The following FAM222A variants were observed in gnomAD, a reference collection of about 807,000 sequenced individuals.
The protein encoded by FAM222A is family with sequence similarity 222 member A.
In FAM222A, 7 loss-of-function variants were observed where a neutral mutation model predicts 25.8. The observed-to-expected ratio is 0.27, with a 90% CI of 0.15 to 0.51. The LOEUF (loss-of-function observed/expected upper bound fraction) is 0.51, where lower values mean the gene tolerates loss of function less well. Ranked by LOEUF, FAM222A falls within the 20% of genes least tolerant of loss-of-function variation. FAM222A has a pLI of 0.97. For missense variants in FAM222A, 573 were observed against 640.5 expected (o/e 0.89, Z 1.14); for synonymous variants, 294 against 298.8 (o/e 0.98, Z 0.17).
At position 109,769,298 on chromosome 12, in the gene FAM222A, T is replaced by C; in HGVS notation, c.*10T>C. On this transcript the variant is annotated 3_prime_UTR_variant, in exon 3 of 3. Coordinates refer to ENST00000538780, the MANE Select transcript of FAM222A (RefSeq NM_032829.3). ...ACCCGTCTACAGATAAGGCCTGCCC[T>C]GCGGACATACGGACATGCGGACAGG... 1 of 1,601,472 alleles carries C rather than the reference T, an allele frequency of 6.2e-7. No individual in the cohort carries two copies. Among genetic ancestry groups the C allele is most frequent in the African/African-American group, 1.3e-5 (1 of 74,652 alleles).
intron 1 of FAM222A, among the ~76,000 whole-genome samples, chr12:109,732,466 A>G (rs1051304719): frequency 6.6e-6 from 1 of 152,230 alleles, no homozygotes; most frequent in Non-Finnish European, 1.5e-5. Context: ...CCGCCTGCCC[A>G]GCAGCCCATT....
chr12:109,729,839 A>G (rs1887911545), intron 1 of FAM222A, among the ~76,000 whole-genome samples: 1 of 149,978 alleles, frequency 6.7e-6, no homozygotes, highest in African/African-American at 2.5e-5. Context: ...TAATAAACAC[A>G]TACAATTCAT....
chr12:109,740,564 G>A lies in FAM222A; in HGVS notation c.-46-3537G>A, dbSNP rs530185990. 2.0e-5 allele frequency among the ~76,000 whole-genome samples: 3 copies of A among 152,268 alleles called. No homozygotes were observed. The East Asian group carries it at 5.8e-4, about 29-fold the overall frequency. On this transcript the variant is annotated intron_variant, in intron 1 of 2. Transcript: ENST00000538780. ...TGCCAGGCAGGGAGGGGGCAAGATG[G>A]GGTCACAGAAAGAACATGAGTGTTT... is the stretch of plus-strand genomic sequence containing the variant.
chr12:109,763,554 G>T (rs1413543080), intron 2 of FAM222A, among the ~76,000 whole-genome samples: 3 of 152,214 alleles, frequency 2.0e-5, no homozygotes. Flanking sequence ...GAAGGCTGCA[G>T]TTCATGGCTA....
chr12:109,758,708 G>C (rs916195825), intron 2 of FAM222A, among the ~76,000 whole-genome samples: 3 of 152,166 alleles, frequency 2.0e-5, no homozygotes, highest in African/African-American at 7.2e-5. Flanking sequence ...TTAGTGTCAC[G>C]TTAATTGAGC....
chr12:109,720,295 T>A (rs911422838), intron 1 of FAM222A: 1 of 608,530 alleles, frequency 1.6e-6, no homozygotes, highest in African/African-American at 2.0e-5. Context: ...GGATGGGGAC[T>A]TAATGACGCA....
At chr12:109,746,172 T>G (rs1888394587) in intron 2 of FAM222A, among the ~76,000 whole-genome samples, 1 of 152,194 alleles carries the variant, frequency 6.6e-6, no homozygotes, top group African/African-American at 2.4e-5. Context: ...CCCAGGTTTC[T>G]TATAGATCTC....
intron 2 of FAM222A, among the ~76,000 whole-genome samples, chr12:109,747,341 C>A (rs567287956): frequency 6.6e-6 from 1 of 152,144 alleles, no homozygotes; most frequent in Non-Finnish European, 1.5e-5. Flanking sequence ...GTGATTCACC[C>A]GCCTTAGCCT....
chr12:109,740,099 A>G (rs1267059737), intron 1 of FAM222A, among the ~76,000 whole-genome samples: 1 of 152,234 alleles, frequency 6.6e-6, no homozygotes, highest in African/African-American at 2.4e-5. Context: ...AAACAGAGAC[A>G]GCCTCCTCCC....
In FAM222A at chr12:109,768,239, G is replaced by T. The variant is rs1889116778; in HGVS notation, c.310G>T (p.Ala104Ser). 3.7e-6 allele frequency: 6 copies of T among 1,610,836 alleles called. No individual in the cohort carries two copies. The highest frequency in any genetic ancestry group is 5.1e-6 in the Non-Finnish European group (6 of 1,179,058). The change falls in exon 3 of 3, where the codon GCC (alanine) becomes TCC (serine). Residue 104 changes from alanine to serine, a missense_variant. This residue lies in a region of FAM222A where 112 missense variants were observed against 154.6 expected (regional missense o/e 0.72). Transcript: ENST00000538780. ...QHTAGYQGLL[A>S]IVKAAVSSSS... ...CACCGCTGGCTACCAGGGCCTTCTG[G>T]CCATTGTCAAGGCCGCGGTTTCCTC...
At chr12:109,766,770 G>A (rs557292685) in intron 2 of FAM222A, among the ~76,000 whole-genome samples, 7 of 152,256 alleles carry the variant, frequency 4.6e-5, no homozygotes, top group Non-Finnish European at 7.4e-5. Flanking sequence ...ATGGTCTCAC[G>A]GATAAATGGT....
At chr12:109,753,134 C>T (rs1022235186) in intron 2 of FAM222A, among the ~76,000 whole-genome samples, 9 of 152,136 alleles carry the variant, frequency 5.9e-5, no homozygotes, top group African/African-American at 1.9e-4. Context: ...TGCAGAAGCC[C>T]CAGAGAGGCA....
chr12:109,719,123 T>C (rs1887703019), intron 1 of FAM222A, among the ~76,000 whole-genome samples: 1 of 152,190 alleles, frequency 6.6e-6, no homozygotes, highest in Non-Finnish European at 1.5e-5. Context: ...CCCAAATTCA[T>C]GCCCTGACCA....
At chr12:109,747,599 G>A (rs928968230) in intron 2 of FAM222A, among the ~76,000 whole-genome samples, 21 of 152,164 alleles carry the variant, frequency 1.4e-4, no homozygotes, top group Non-Finnish European at 3.1e-4. Context: ...TTATGACACT[G>A]CCTTTCCCAC....
chr12:109,719,459 C>T (rs1566182831), intron 1 of FAM222A, among the ~76,000 whole-genome samples: 1 of 152,190 alleles, frequency 6.6e-6, no homozygotes, highest in Admixed American at 6.5e-5. Context: ...GACACCCTGT[C>T]GCCCGTGTCC....
At chr12:109,765,330 A>G (rs959498337) in intron 2 of FAM222A, among the ~76,000 whole-genome samples, 5 of 152,106 alleles carry the variant, frequency 3.3e-5, no homozygotes, top group Non-Finnish European at 7.4e-5. Context: ...GTGACAGCCA[A>G]TCATGTCTCT....
At chr12:109,748,986 C>A (rs1174345934) in intron 2 of FAM222A, among the ~76,000 whole-genome samples, 1 of 152,142 alleles carries the variant, frequency 6.6e-6, no homozygotes, top group South Asian at 2.1e-4. Context: ...CTGAGCACTT[C>A]CGAGCTATAT....
At chr12:109,737,007 A>G (rs1888104435) in intron 1 of FAM222A, among the ~76,000 whole-genome samples, 1 of 152,036 alleles carries the variant, frequency 6.6e-6, no homozygotes, top group Non-Finnish European at 1.5e-5. Flanking sequence ...AGCACCGTGA[A>G]CCCATAGAGG....
At chr12:109,735,029 C>G (rs1888047407) in intron 1 of FAM222A, 1 of 152,704 alleles carries the variant, frequency 6.5e-6, no homozygotes, top group South Asian at 2.1e-4. Context: ...CTAACCCCTG[C>G]CTCGAAGGCT....
Sources: gnomAD v4.1 joint callset for allele counts (sites outside exome capture counted in the v4.1 genomes callset) on GRCh38, gnomAD v4.1.1 for gene constraint, gnomAD v4.1.1 regional missense constraint, MANE v1.5 for transcripts, NCBI Gene and HGNC (gene_info 2026-07-23, HGNC 2026-07-21) for gene names.